The following FREM1 variants were observed in gnomAD, a reference collection of about 807,000 sequenced individuals.
The protein encoded by FREM1 is FRAS1 related extracellular matrix 1, also known as FRAS1-related extracellular matrix protein 1.
FREM1 carries 220 observed loss-of-function variants against 210.1 expected under a neutral mutation model. The observed-to-expected ratio is 1.05, with a 90% CI of 0.94 to 1.17. The LOEUF is 1.17. FREM1 is among the 50% of genes most tolerant of loss of function. The pLI is 0.00. For synonymous variants in FREM1, 1,189 were observed against 980.2 expected (o/e 1.21, Z -3.98); for missense variants, 3,454 against 2,675.5 (o/e 1.29, Z -6.42).
intron 1 of FREM1, among the ~76,000 whole-genome samples, chr9:14,884,948 G>T (rs1401993001): frequency 3.2e-5 from 3 of 94,536 alleles, no homozygotes; most frequent in African/African-American, 1.3e-4. Context: ...TTTTTGAGAC[G>T]GAGTCTCGCT....
chr9:14,819,283 T>A lies in FREM1; in HGVS notation c.2497A>T (p.Asn833Tyr). ...CCCCAAGAAAATGTGCCCCCTGAATTTAGAGGAAATCCATTCAGCTCCACC... is the reference window on the plus strand; with the variant it reads ...CCCCAAGAAAATGTGCCCCCTGAATATAGAGGAAATCCATTCAGCTCCACC... ...GRVELNGFPLNSGGTFSWGDL... is the reference protein window; with the variant it reads ...GRVELNGFPLYSGGTFSWGDL... The change falls in exon 14 of 37, where the codon AAT becomes TAT. Residue 833 changes from asparagine (N) to tyrosine (Y), a missense_variant. By Grantham distance (143) the Asn-to-Tyr change is moderately radical (BLOSUM62 -2). Coordinates refer to ENST00000380880, the MANE Select transcript of FREM1 (RefSeq NM_001379081.2). 1 of 1,613,734 alleles carries A rather than the reference T, an allele frequency of 6.2e-7. No individual in the cohort carries two copies. Among genetic ancestry groups the A allele is most frequent in the Non-Finnish European group, 8.5e-7 (1 of 1,179,760 alleles).
chr9:14,746,126 G>C (rs542259541), intron 35 of FREM1, among the ~76,000 whole-genome samples: 1 of 152,096 alleles, frequency 6.6e-6, no homozygotes, highest in African/African-American at 2.4e-5. Flanking sequence ...TGGTGCAAAA[G>C]TAATGGCAAA....
In FREM1 at chr9:14,870,358, G is replaced by T. The variant is rs537773154; in HGVS notation, c.-267-1114C>A. On this transcript the variant is annotated intron_variant, in intron 1 of 36. Transcript: ENST00000380880. The stretch of plus-strand genomic sequence containing the variant: ...TTTACAGAGCAGCCTGTTTTTTATG[G>T]TATCAGTCCCAGAGTAAAACTGTTC... Among the ~76,000 whole-genome samples, 14 of 152,238 alleles carry T rather than the reference G, an allele frequency of 9.2e-5. No homozygotes were observed. In the East Asian group the frequency reaches 2.7e-3, roughly 30 times the overall value.
At chr9:14,784,714 C>T in intron 23 of FREM1, 80 bp from the exon 24 acceptor site, 1 of 1,034,850 alleles carries the variant, frequency 9.7e-7, no homozygotes. Flanking sequence ...AGACAAAGGC[C>T]AAAACTGTGC....
chr9:14,856,760 G>C (rs572232061), intron 5 of FREM1, among the ~76,000 whole-genome samples: 52 of 151,146 alleles, frequency 3.4e-4, no homozygotes, highest in African/African-American at 1.2e-3. Context: ...ATGAACTTGG[G>C]AGGCAGAGCT....
intron 26 of FREM1, among the ~76,000 whole-genome samples, chr9:14,770,172 T>C (rs1385638081): frequency 6.6e-6 from 1 of 152,186 alleles, no homozygotes; most frequent in East Asian, 1.9e-4. Flanking sequence ...TGATGTATTA[T>C]GATCATTGTG....
intron 5 of FREM1, among the ~76,000 whole-genome samples, chr9:14,857,111 G>A (rs570011051): frequency 8.0e-4 from 122 of 152,238 alleles, no homozygotes; most frequent in Non-Finnish European, 1.5e-3. Context: ...TGACAAATCT[G>A]TGACAAACAT....
chr9:14,860,607 A>ATGTG (rs1829728361), intron 3 of FREM1, among the ~76,000 whole-genome samples: 1 of 145,370 alleles, frequency 6.9e-6, no homozygotes, highest in African/African-American at 2.5e-5. Flanking sequence ...ATATACACAT[A>ATGTG]TATACACACA....
intron 10 of FREM1, among the ~76,000 whole-genome samples, chr9:14,828,682 G>A (rs1822971218): frequency 6.8e-6 from 1 of 146,644 alleles, no homozygotes; most frequent in African/African-American, 2.6e-5. Flanking sequence ...GCTTATTTAT[G>A]TATAAATTTA....
chr9:14,862,984 T>C (rs939596527), intron 3 of FREM1, among the ~76,000 whole-genome samples: 1 of 152,144 alleles, frequency 6.6e-6, no homozygotes, highest in Admixed American at 6.5e-5. Flanking sequence ...TTCTTATATA[T>C]ATGCGTAGGA....
At chr9:14,786,253 C>T (rs1850409189) in intron 23 of FREM1, among the ~76,000 whole-genome samples, 1 of 152,190 alleles carries the variant, frequency 6.6e-6, no homozygotes, top group South Asian at 2.1e-4. Flanking sequence ...CGCAAGCCAT[C>T]TGAGCCCAGA....
chr9:14,842,165 A>G (rs1483296273), intron 9 of FREM1, 151 bp downstream of exon 9: 1 of 572,902 alleles, frequency 1.7e-6, no homozygotes, highest in Non-Finnish European at 3.1e-6. Context: ...TCATTATGAA[A>G]TGGGAATAAA....
intron 20 of FREM1, among the ~76,000 whole-genome samples, chr9:14,798,973 C>T (rs1047745746): frequency 2.0e-5 from 3 of 152,038 alleles, no homozygotes; most frequent in African/African-American, 4.8e-5. Flanking sequence ...CACACCCGGT[C>T]TCCATGTTTT....
At chr9:14,823,906 A>G (rs781694072) in intron 12 of FREM1, 119 bp downstream of exon 12, 4 of 501,248 alleles carry the variant, frequency 8.0e-6, no homozygotes, top group Middle Eastern at 6.9e-4. Context: ...GCAAGTATAA[A>G]GATGTCAAGT....
chr9:14,874,334 T>C (rs1833288218), intron 1 of FREM1, among the ~76,000 whole-genome samples: 1 of 151,362 alleles, frequency 6.6e-6, no homozygotes, highest in African/African-American at 2.4e-5. Context: ...GGACTTGCTT[T>C]ATGAATCTGG....
chr9:14,809,382 C>T (rs905138032), intron 16 of FREM1, among the ~76,000 whole-genome samples: 1 of 152,110 alleles, frequency 6.6e-6, no homozygotes, highest in African/African-American at 2.4e-5. Context: ...ACCTAGGGTA[C>T]AAAAGATCAG....
chr9:14,851,194 G>C, intron 6 of FREM1, 90 bp downstream of exon 6: 1 of 919,242 alleles, frequency 1.1e-6, no homozygotes. Context: ...GGCAATGAAT[G>C]TACAAAGGAA....
chr9:14,893,660 T>C (rs1837244128), intron 1 of FREM1, among the ~76,000 whole-genome samples: 1 of 142,652 alleles, frequency 7.0e-6, no homozygotes, highest in African/African-American at 3.1e-5. Context: ...TGTGACTTAA[T>C]TAATCTTTGG....
intron 29 of FREM1, among the ~76,000 whole-genome samples, chr9:14,751,370 C>G (rs777668756): frequency 1.3e-5 from 2 of 152,076 alleles, no homozygotes; most frequent in Admixed American, 6.6e-5. Flanking sequence ...AACTCTTGGC[C>G]GGGTGCAGTG....
Sources: allele counts gnomAD v4.1 joint callset (sites outside exome capture counted in the v4.1 genomes callset), GRCh38; gene constraint gnomAD v4.1.1; transcripts MANE v1.5; gene names NCBI Gene and HGNC (gene_info 2026-07-23, HGNC 2026-07-21).